RAB10: variants seen among roughly 807,000 people sequenced by gnomAD.
RAB10 encodes RAB10, member RAS oncogene family.
A neutral mutation model predicts 25.7 loss-of-function variants in RAB10; 5 were observed. The observed-to-expected ratio is 0.19, with a 90% CI of 0.10 to 0.41. RAB10 has a LOEUF of 0.41. RAB10 is among the 10% of genes least tolerant of loss of function. The pLI, the probability that RAB10 is intolerant of heterozygous loss-of-function variation, is 1.00. For synonymous variants in RAB10, 89 were observed against 86.4 expected (o/e 1.03, Z -0.16); for missense variants, 103 against 245.8 (o/e 0.42, Z 3.89).
intron 1 of RAB10, among the ~76,000 whole-genome samples, chr2:26,040,304 A>G (rs1665856606): frequency 6.6e-6 from 1 of 152,114 alleles, no homozygotes; most frequent in South Asian, 2.1e-4. Context: ...GGCGAGCACC[A>G]TCGCGTCTGG....
chr2:26,040,859 A>G lies in RAB10; in HGVS notation c.127+6124A>G, dbSNP rs537029676. The stretch of plus-strand genomic sequence containing the variant: ...TGTTCACAAAGACTACTGTATTTGA[A>G]TTTTTCTATATATTTTCAATTCTCA... On this transcript the variant is annotated intron_variant, in intron 1 of 5. Coordinates refer to ENST00000264710, the MANE Select transcript of RAB10 (RefSeq NM_016131.5). Among the ~76,000 whole-genome samples the G allele has an allele frequency of 6.6e-5, 10 of 152,246 alleles. No individual in the cohort carries two copies. In the East Asian group the frequency reaches 1.9e-3, roughly 29 times the overall value.
intron 1 of RAB10, among the ~76,000 whole-genome samples, chr2:26,073,058 C>T (rs1666661053): frequency 6.6e-6 from 1 of 152,138 alleles, no homozygotes; most frequent in South Asian, 2.1e-4. Context: ...ATCCAAGTTT[C>T]AGTGATGAGA....
chr2:26,132,456 A>G (rs1481790738), intron 5 of RAB10, among the ~76,000 whole-genome samples: 1 of 152,050 alleles, frequency 6.6e-6, no homozygotes, highest in East Asian at 1.9e-4. Flanking sequence ...GTTTCAACAT[A>G]TTGGCCAGAC....
chr2:26,084,081 C>T (rs1666926152), intron 1 of RAB10, among the ~76,000 whole-genome samples: 1 of 152,178 alleles, frequency 6.6e-6, no homozygotes, highest in Admixed American at 6.5e-5. Flanking sequence ...ACATGCCAAA[C>T]ATATTTGCAT....
chr2:26,060,213 C>T (rs1666365534), intron 1 of RAB10, among the ~76,000 whole-genome samples: 1 of 152,202 alleles, frequency 6.6e-6, no homozygotes, highest in Non-Finnish European at 1.5e-5. Context: ...TGCTGTGTGC[C>T]TGGCACTGTG....
At chr2:26,107,834 A>G (rs545441033) in intron 2 of RAB10, among the ~76,000 whole-genome samples, 3 of 151,808 alleles carry the variant, frequency 2.0e-5, no homozygotes, top group African/African-American at 4.8e-5. Context: ...TAACAATCCA[A>G]TTAGAAAATG....
intron 1 of RAB10, among the ~76,000 whole-genome samples, chr2:26,045,589 A>T (rs555359967): frequency 1.3e-5 from 2 of 152,328 alleles, no homozygotes; most frequent in South Asian, 4.1e-4. Context: ...AGTTGTGAAG[A>T]ACGAAGGAGT....
At chr2:26,087,948 C>T (rs1364079038) in intron 1 of RAB10, among the ~76,000 whole-genome samples, 1 of 152,172 alleles carries the variant, frequency 6.6e-6, no homozygotes, top group Non-Finnish European at 1.5e-5. Flanking sequence ...TGGAAAATGA[C>T]CTTTTCAAAA....
At chr2:26,082,344 G>A (rs1402001370) in intron 1 of RAB10, among the ~76,000 whole-genome samples, 4 of 152,014 alleles carry the variant, frequency 2.6e-5, no homozygotes, top group East Asian at 3.9e-4. Context: ...TCTAATCAGC[G>A]ACCAAATCTT....
At chr2:26,119,819 G>A (rs1667764684) in intron 3 of RAB10, among the ~76,000 whole-genome samples, 1 of 152,150 alleles carries the variant, frequency 6.6e-6, no homozygotes, top group Non-Finnish European at 1.5e-5. Context: ...GTGCCCAGCA[G>A]GCTTACTTTC....
intron 1 of RAB10, among the ~76,000 whole-genome samples, chr2:26,063,345 AT>A (rs1666449020): frequency 6.6e-6 from 1 of 152,062 alleles, no homozygotes; most frequent in Non-Finnish European, 1.5e-5. Context: ...CTCTGGAAAA[AT>A]TGTGCAATTG....
At chr2:26,033,709 C>A (rs1197912230), upstream of RAB10, among the ~76,000 whole-genome samples, 1 of 152,172 alleles carries the variant, frequency 6.6e-6, no homozygotes, top group African/African-American at 2.4e-5. Flanking sequence ...AACCGCAGCG[C>A]AGTCCAGCGG....
intron 3 of RAB10, among the ~76,000 whole-genome samples, chr2:26,122,773 G>T (rs969514339): frequency 2.6e-5 from 4 of 152,136 alleles, no homozygotes; most frequent in African/African-American, 9.7e-5. Flanking sequence ...TTAGAAAGAG[G>T]CTTGGCCTAA....
chr2:26,085,169 C>A lies in RAB10; in HGVS notation c.128-13493C>A, dbSNP rs114856055. ...AATAATTGGACTTCATCAAAATGAA[C>A]TCTTGTGCATCAAAGGGCATATTAA... On this transcript the variant is annotated intron_variant, in intron 1 of 5. Transcript: ENST00000264710. Among the ~76,000 whole-genome samples, 767 of 152,186 alleles carry A rather than the reference C, an allele frequency of 5.0e-3. 6 individuals carry two copies. The highest frequency in any genetic ancestry group is 0.017 in the African/African-American group (720 of 41,516).
At chr2:26,068,350 A>G (rs1666555112) in intron 1 of RAB10, among the ~76,000 whole-genome samples, 1 of 152,208 alleles carries the variant, frequency 6.6e-6, no homozygotes, top group African/African-American at 2.4e-5. Flanking sequence ...AGGTTTGAGC[A>G]GGGATGTGAC....
intron 1 of RAB10, among the ~76,000 whole-genome samples, chr2:26,072,652 T>C (rs969341867): frequency 3.9e-5 from 6 of 152,156 alleles, no homozygotes; most frequent in Non-Finnish European, 5.9e-5. Flanking sequence ...TAGCAACATA[T>C]CTGTTTGTAG....
chr2:26,040,748 G>A (rs1314952839), intron 1 of RAB10, among the ~76,000 whole-genome samples: 8 of 152,218 alleles, frequency 5.3e-5, no homozygotes, highest in African/African-American at 1.9e-4. Context: ...AATAAGGCAG[G>A]CCCTCATTAT....
chr2:26,039,540 G>A (rs1295904875), intron 1 of RAB10, among the ~76,000 whole-genome samples: 3 of 150,668 alleles, frequency 2.0e-5, no homozygotes, highest in Non-Finnish European at 4.4e-5. Flanking sequence ...GTAGAGATGC[G>A]GTTTTGCCAT....
intron 1 of RAB10, 106 bp downstream of exon 1, chr2:26,034,841 G>A (rs1665728837): frequency 6.9e-7 from 1 of 1,458,652 alleles, no homozygotes; most frequent in East Asian, 2.3e-5. Context: ...CAGTGATTCC[G>A]ATTCCAAACG....
Sources: allele counts gnomAD v4.1 joint callset (sites outside exome capture counted in the v4.1 genomes callset), GRCh38; gene constraint gnomAD v4.1.1; transcripts MANE v1.5; gene names NCBI Gene and HGNC (gene_info 2026-07-23, HGNC 2026-07-21).